MDGA2: variants seen among roughly 807,000 people sequenced by gnomAD.
MDGA2 encodes MAM domain-containing glycosylphosphatidylinositol anchor protein 2.
In MDGA2, 40 loss-of-function variants were observed where a neutral mutation model predicts 117.8. That is an observed-to-expected ratio of 0.34 (90% CI 0.26 to 0.44). MDGA2 has a LOEUF of 0.44. Ranked by LOEUF, MDGA2 falls within the 20% of genes least tolerant of loss-of-function variation. MDGA2 has a pLI of 1.00. For synonymous variants in MDGA2, 452 were observed against 439.0 expected (o/e 1.03, Z -0.37); for missense variants, 1,123 against 1,250.6 (o/e 0.90, Z 1.54).
chr14:47,605,724 T>C (rs1331812666), intron 1 of MDGA2, among the ~76,000 whole-genome samples: 4 of 152,266 alleles, frequency 2.6e-5, no homozygotes, highest in East Asian at 1.9e-4. Context: ...TTTCCAAAAA[T>C]TGAGGACTGA....
chr14:46,918,760 C>CTTTTTTTTTTTTTTTT (rs34958634), intron 10 of MDGA2, among the ~76,000 whole-genome samples: 1,531 of 124,464 alleles, frequency 0.012, 35 homozygotes, highest in Non-Finnish European at 0.018. Flanking sequence ...TACAGTGTAT[C>CTTTTTTTTTTTTTTTT]TTTTTTTTTT....
In MDGA2 at chr14:47,301,494, G is replaced by T. The variant is rs199658941; in HGVS notation, c.337C>A (p.Arg113Ser). The T allele has an allele frequency of 1.2e-5, 18 of 1,551,528 alleles. No homozygotes were observed. Among genetic ancestry groups the T allele is most frequent in the Non-Finnish European group, 1.5e-5 (17 of 1,146,952 alleles). ...SGLACNIEEERYSERVYTIRE... is the reference protein window; with the variant it reads ...SGLACNIEEESYSERVYTIRE... ...ATAGTGTAGACCCTTTCGGAGTAGC[G>T]CTCCTCTTCAATGTTACAGGCCAAG... The change falls in exon 2 of 17, where the codon CGC becomes AGC. Residue 113 changes from arginine to serine, a missense_variant. Arg to Ser is a moderately radical substitution (Grantham distance 110). Around this residue, in one of 2 missense-constraint regions of MDGA2, gnomAD observed 233 missense variants for 200.3 expected, o/e 1.16. Transcript: ENST00000399232.
Position 46,884,017 on chromosome 14 carries a change from T to C in MDGA2, c.2239-1796A>G, listed in dbSNP as rs1442095115. On this transcript the variant is annotated intron_variant, in intron 10 of 16. Transcript: ENST00000399232. This position sits in a 1 kb window ranked among gnomAD's most constrained non-coding sequence, Gnocchi z 4.1. ...TTTTATTTGCTTGGTTATTTTTCACTGGTGCTGATAATATGGCTTAAAATT... is the reference window on the plus strand; with the variant it reads ...TTTTATTTGCTTGGTTATTTTTCACCGGTGCTGATAATATGGCTTAAAATT... Among the ~76,000 whole-genome samples the C allele has an allele frequency of 6.6e-6, 1 of 152,118 alleles. No homozygotes were observed. Among genetic ancestry groups the C allele is most frequent in the Non-Finnish European group, 1.5e-5 (1 of 68,014 alleles).
chr14:47,349,219 G>A (rs1890825910), intron 1 of MDGA2, among the ~76,000 whole-genome samples: 1 of 152,132 alleles, frequency 6.6e-6, no homozygotes, highest in African/African-American at 2.4e-5. Flanking sequence ...TCTGTCAGAG[G>A]GCAGTAAAGT....
chr14:47,323,380 T>C (rs1025104357), intron 1 of MDGA2, among the ~76,000 whole-genome samples: 4 of 151,664 alleles, frequency 2.6e-5, no homozygotes, highest in African/African-American at 9.7e-5. Flanking sequence ...AATCTCAGCA[T>C]ACTGGGAGGC....
intron 3 of MDGA2, among the ~76,000 whole-genome samples, chr14:47,159,358 G>GA (rs1377723455): frequency 6.6e-6 from 1 of 152,074 alleles, no homozygotes; most frequent in Non-Finnish European, 1.5e-5. Context: ...CTACTTCATG[G>GA]AAATTCCTCC....
intron 2 of MDGA2, among the ~76,000 whole-genome samples, chr14:47,283,642 C>G (rs943169544): frequency 6.6e-6 from 1 of 152,134 alleles, no homozygotes; most frequent in African/African-American, 2.4e-5. Context: ...TTTTGATGCT[C>G]GGTGCTTGTC....
At chr14:47,043,735 A>G (rs1163857746) in intron 7 of MDGA2, among the ~76,000 whole-genome samples, 2 of 152,022 alleles carry the variant, frequency 1.3e-5, no homozygotes, top group African/African-American at 2.4e-5. Flanking sequence ...AAAGCTCTCT[A>G]TTCAATTGAG....
At chr14:47,550,385 C>A (rs540766766) in intron 1 of MDGA2, among the ~76,000 whole-genome samples, 1 of 152,244 alleles carries the variant, frequency 6.6e-6, no homozygotes, top group South Asian at 2.1e-4. Flanking sequence ...ATATGTTTGG[C>A]AAACCACTTC....
At chr14:47,667,020 G>A (rs113261917) in intron 1 of MDGA2, among the ~76,000 whole-genome samples, 66 of 152,230 alleles carry the variant, frequency 4.3e-4, no homozygotes, top group South Asian at 2.1e-3. Context: ...AACAAACTCC[G>A]GACACACTGC....
intron 1 of MDGA2, among the ~76,000 whole-genome samples, chr14:47,461,086 T>C (rs1893473497): frequency 6.6e-6 from 1 of 152,212 alleles, no homozygotes; most frequent in South Asian, 2.1e-4. Context: ...TGCTTATTAG[T>C]AACAACTCTG....
At position 46,855,101 on chromosome 14, in the gene MDGA2, G is replaced by A. The variant is rs750072513; in HGVS notation, c.2806C>T (p.Leu936=). The A allele has an allele frequency of 2.5e-6, 4 of 1,611,418 alleles. No individual in the cohort carries two copies. The South Asian group carries it at 4.4e-5, about 18-fold the overall frequency. The change falls in exon 15 of 17, where the codon CTG becomes TTG. Residue 936 remains leucine (L), a synonymous_variant. Coordinates refer to ENST00000399232, the MANE Select transcript of MDGA2 (RefSeq NM_001113498.3). This position sits in a 1 kb window ranked among gnomAD's most constrained non-coding sequence, Gnocchi z 4.1. ...CCTTTATTCCCACTTGAAGACCACA[G>A]TGGATTCTCTATTGTTGTTTGCCCT... ...LKGQTTIENP[L]WSSSGNKGQR...
intron 5 of MDGA2, among the ~76,000 whole-genome samples, chr14:47,118,728 T>G (rs1489748727): frequency 6.6e-6 from 1 of 152,084 alleles, no homozygotes; most frequent in Non-Finnish European, 1.5e-5. Context: ...GCTTTTTTTA[T>G]AAAAACAACA....
chr14:47,148,512 T>C (rs561169435), intron 3 of MDGA2, among the ~76,000 whole-genome samples: 32 of 152,306 alleles, frequency 2.1e-4, no homozygotes, highest in African/African-American at 7.5e-4. Context: ...GCATTTTTAG[T>C]TGATGTAGTA....
chr14:47,177,909 T>A (rs1247378351), intron 3 of MDGA2, among the ~76,000 whole-genome samples: 1 of 152,152 alleles, frequency 6.6e-6, no homozygotes, highest in Non-Finnish European at 1.5e-5. Context: ...GTTTTGCATT[T>A]GTGAATTGTT....
At chr14:47,637,689 C>T (rs1294991797) in intron 1 of MDGA2, among the ~76,000 whole-genome samples, 1 of 152,174 alleles carries the variant, frequency 6.6e-6, no homozygotes, top group Non-Finnish European at 1.5e-5. Flanking sequence ...GAAATAAAAA[C>T]TCATGCGAAT....
At chr14:47,244,238 T>C (rs1455475910) in intron 2 of MDGA2, among the ~76,000 whole-genome samples, 1 of 151,840 alleles carries the variant, frequency 6.6e-6, no homozygotes, top group Non-Finnish European at 1.5e-5. Flanking sequence ...CAATGTATTA[T>C]TATAGAGAAG....
At chr14:47,058,190 A>G (rs1460393653) in intron 7 of MDGA2, among the ~76,000 whole-genome samples, 3 of 152,136 alleles carry the variant, frequency 2.0e-5, no homozygotes, top group African/African-American at 4.8e-5. Flanking sequence ...AAGAGAGAGG[A>G]AAAAGAAACA....
At chr14:46,990,901 C>CACATA (rs67627850) in intron 8 of MDGA2, among the ~76,000 whole-genome samples, 2 of 145,232 alleles carry the variant, frequency 1.4e-5, no homozygotes, top group African/African-American at 5.1e-5. Context: ...CACACACACA[C>CACATA]CCCGCGTAAG....
Sources: gnomAD v4.1 joint callset for allele counts (sites outside exome capture counted in the v4.1 genomes callset) on GRCh38, gnomAD v4.1.1 for gene constraint, gnomAD v4.1.1 regional missense constraint, Gnocchi (gnomAD v3.1) non-coding constraint, MANE v1.5 for transcripts, NCBI Gene and HGNC (gene_info 2026-07-23, HGNC 2026-07-21) for gene names.